The following APOL1 variants were observed in gnomAD, a reference collection of about 807,000 sequenced individuals.
The protein encoded by APOL1 is apolipoprotein L 1.
In APOL1, 17 loss-of-function variants were observed where a neutral mutation model predicts 14.9. That is an observed-to-expected ratio of 1.14 (90% CI 0.78 to 1.71). APOL1 has a LOEUF of 1.71. APOL1 is among the 40% of genes most tolerant of loss of function. APOL1 has a pLI of 0.00. For synonymous variants in APOL1, 195 were observed against 184.8 expected (o/e 1.05, Z -0.45); for missense variants, 523 against 485.9 (o/e 1.08, Z -0.72).
At chr22:36,255,513 T>C (rs971565914) in intron 2 of APOL1, among the ~76,000 whole-genome samples, 4 of 151,486 alleles carry the variant, frequency 2.6e-5, no homozygotes, top group Admixed American at 2.0e-4. Flanking sequence ...ACTCCCCTGG[T>C]GAACTGCTGC....
At position 36,265,448 on chromosome 22, in the gene APOL1, C is replaced by A. The variant is rs767476842; in HGVS notation, c.612C>A (p.Ser204Arg). Residue 204 changes from serine (S) to arginine (R), a missense_variant, in exon 6 of 6, where the codon AGC becomes AGA. Transcript: ENST00000397278. The part of the protein sequence containing the change: ...MGLAPFTEGG[S>R]LVLLEPGMEL... ...TGGCACCCTTCACAGAGGGAGGCAG[C>A]CTTGTACTCTTGGAACCTGGGATGG... The A allele has an allele frequency of 1.9e-6, 3 of 1,614,134 alleles. No homozygotes were observed. Among genetic ancestry groups the A allele is most frequent in the Admixed American group, 1.7e-5 (1 of 60,024 alleles).
chr22:36,256,915 A>G (rs572426520), intron 2 of APOL1, among the ~76,000 whole-genome samples, 168 bp from the exon 3 acceptor site: 94 of 152,336 alleles, frequency 6.2e-4, no homozygotes, highest in Non-Finnish European at 9.3e-4. Flanking sequence ...CATCGCAGAC[A>G]TGCAATACAC....
chr22:36,253,353 C>T (rs533346685), intron 1 of APOL1, 134 bp downstream of exon 1: 1 of 259,298 alleles, frequency 3.9e-6, no homozygotes, highest in Non-Finnish European at 7.7e-6. Context: ...AGGCTTGAGT[C>T]TGATTGCTTC....
In APOL1 at chr22:36,265,621, T is replaced by C. The variant is rs1344277213; in HGVS notation, c.785T>C (p.Ile262Thr). 2 of 1,596,340 alleles carry C rather than the reference T, an allele frequency of 1.3e-6. No homozygotes were observed. The change falls in exon 6 of 6, where the codon ATA becomes ACA. Residue 262 changes from isoleucine to threonine, a missense_variant. Physicochemically the swap from Ile to Thr is moderately conservative, Grantham distance 89. Coordinates refer to ENST00000397278, the MANE Select transcript of APOL1 (RefSeq NM_003661.4). ...GTGAGGGAGTTTTTGGGTGAGAACA[T>C]ATCCAACTTTCTTTCCTTAGCTGGC... ...KEVREFLGEN[I>T]SNFLSLAGNT...
intron 5 of APOL1, among the ~76,000 whole-genome samples, chr22:36,262,727 A>C (rs1178268035): frequency 1.3e-5 from 2 of 152,348 alleles, no homozygotes; most frequent in East Asian, 3.9e-4. Flanking sequence ...CCCAACACTC[A>C]TGGGCATATA....
At chr22:36,263,366 C>T (rs1014549596) in intron 5 of APOL1, among the ~76,000 whole-genome samples, 2 of 152,206 alleles carry the variant, frequency 1.3e-5, no homozygotes, top group African/African-American at 2.4e-5. Flanking sequence ...TCAAAGTACT[C>T]AGAGATAGCC....
chr22:36,259,945 C>T (rs1239652014), intron 4 of APOL1: 2 of 1,239,630 alleles, frequency 1.6e-6, no homozygotes, highest in South Asian at 2.7e-5. Flanking sequence ...AATGCAGAGA[C>T]CACAGGCATT....
In APOL1 at chr22:36,267,300, G is replaced by A. The variant is rs895937466; in HGVS notation, c.*1267G>A. 1 of 152,244 alleles carries A rather than the reference G, an allele frequency of 6.6e-6. No individual in the cohort carries two copies. The highest frequency in any genetic ancestry group is 1.5e-5 in the Non-Finnish European group (1 of 68,114). 9.4% of individuals were successfully genotyped at this position (152,244 alleles called of 1,614,324 possible). On this transcript the variant is annotated 3_prime_UTR_variant, in exon 6 of 6. Transcript: ENST00000397278. ...GGGCAGGTGGTGGGCCATGGCCATG[G>A]TCCCCAGCTGAGGAGCAGGTGTCCC...
intron 5 of APOL1, 107 bp from the exon 6 acceptor site, chr22:36,265,044 C>T: frequency 7.1e-7 from 1 of 1,398,660 alleles, no homozygotes; most frequent in Non-Finnish European, 9.8e-7. Context: ...ATCTCCTGAC[C>T]TTGTGATCCA....
Position 36,266,688 on chromosome 22 carries a change from G to C in APOL1, c.*655G>C. 1 of 369,562 alleles carries C rather than the reference G, an allele frequency of 2.7e-6. No homozygotes were observed. Among genetic ancestry groups the C allele is most frequent in the East Asian group, 3.8e-5 (1 of 26,662 alleles). The allele number at this position is 369,562 out of a possible 1,614,324, so 22.9% of individuals were successfully genotyped here. On this transcript the variant is annotated 3_prime_UTR_variant, in exon 6 of 6. Transcript: ENST00000397278. ...TGGGAGGCCAAGGCGGGCGGATCACGAGGTCAGGAGATCGAGACCATCCTG... is the reference window on the plus strand; with the variant it reads ...TGGGAGGCCAAGGCGGGCGGATCACCAGGTCAGGAGATCGAGACCATCCTG...
Position 36,267,184 on chromosome 22 carries a change from G to A in APOL1, c.*1151G>A, listed in dbSNP as rs181573196. Reference sequence around the variant, plus strand: ...TGGGGGCATATCTCAGTCAGGCAGCGGCTTCCTGATGATGGTCATTGGGGT... The same window carrying A: ...TGGGGGCATATCTCAGTCAGGCAGCAGCTTCCTGATGATGGTCATTGGGGT... On this transcript the variant is annotated 3_prime_UTR_variant, in exon 6 of 6. Transcript: ENST00000397278. The A allele has an allele frequency of 9.2e-5, 14 of 152,512 alleles. No individual in the cohort carries two copies. Among genetic ancestry groups the A allele is most frequent in the Admixed American group, 2.6e-4 (4 of 15,294 alleles). The allele number at this position is 152,512 out of a possible 1,614,324, so 9.4% of individuals were successfully genotyped here.
rs555497625 is a variant in APOL1 at position 36,266,774 on chromosome 22, G to A, written c.*741G>A. ...CAAAAAATTAGCCGGGCATGGTGGCGGGCGCCTGTAGTTCCAGCTAACTGG... is the reference window on the plus strand; with the variant it reads ...CAAAAAATTAGCCGGGCATGGTGGCAGGCGCCTGTAGTTCCAGCTAACTGG... On this transcript the variant is annotated 3_prime_UTR_variant, in exon 6 of 6. Transcript: ENST00000397278. The A allele has an allele frequency of 2.3e-4, 74 of 320,750 alleles. No homozygotes were observed. The East Asian group carries it at 2.5e-3, about 11-fold the overall frequency. 19.9% of individuals were successfully genotyped at this position (320,750 alleles called of 1,614,324 possible).
chr22:36,253,191 C>T lies in APOL1; in HGVS notation c.-48C>T. On this transcript the variant is annotated 5_prime_UTR_variant, in exon 1 of 6. Coordinates refer to ENST00000397278, the MANE Select transcript of APOL1 (RefSeq NM_003661.4). ...CACAGCTCAGAACAGCTGGATCTTG[C>T]TCAGTCTCTGCCAGGGGAAGATTCC... The T allele has an allele frequency of 2.0e-6, 1 of 498,368 alleles. No homozygotes were observed. The allele number at this position is 498,368 out of a possible 1,614,324, so 30.9% of individuals were successfully genotyped here.
In APOL1 at chr22:36,257,304, T is replaced by C; in HGVS notation, c.99-15T>C. 6.2e-7 allele frequency: 1 copy of C among 1,613,570 alleles called. No homozygotes were observed. The highest frequency in any genetic ancestry group is 1.3e-5 in the African/African-American group (1 of 75,000). ...GCTCACATTTGATCCCACAATTTGT[T>C]TTCTCCTCCTCAAGGGTGCAACAAA... On this transcript the variant is annotated splice_polypyrimidine_tract_variant and intron_variant, in intron 3 of 5. Transcript: ENST00000397278.
Position 36,257,702 on chromosome 22 carries a change from G to C in APOL1, c.187+295G>C, listed in dbSNP as rs913267856. On this transcript the variant is annotated intron_variant, in intron 4 of 5. Coordinates refer to ENST00000397278, the MANE Select transcript of APOL1 (RefSeq NM_003661.4). The stretch of plus-strand genomic sequence containing the variant: ...CTTGGGGAAGTGGAATCAGCGGGGG[G>C]GGGGGGGAGTGTGGGGAGAGCAGGG... 202 of 308,844 alleles carry C rather than the reference G, an allele frequency of 6.5e-4. 2 individuals are homozygous for C. The highest frequency in any genetic ancestry group is 2.3e-3 in the South Asian group (60 of 26,420). The allele number at this position is 308,844 out of a possible 1,614,324, so 19.1% of individuals were successfully genotyped here. A position where few individuals can be genotyped will look rare whatever the true frequency, so the allele number is the denominator to read the frequency against.
In APOL1 at chr22:36,266,127, T is replaced by A; in HGVS notation, c.*94T>A. On this transcript the variant is annotated 3_prime_UTR_variant, in exon 6 of 6. Transcript: ENST00000397278. ...TTTTTTCTGAGACAGAGTCTTGCTC[T>A]GTCGCCAAGTTGGAGTGCAATGGTG... 7.2e-7 allele frequency: 1 copy of A among 1,391,788 alleles called. No homozygotes were observed. Among genetic ancestry groups the A allele is most frequent in the Non-Finnish European group, 9.7e-7 (1 of 1,032,798 alleles). The allele number at this position is 1,391,788 out of a possible 1,614,324, so 86.2% of individuals were successfully genotyped here.
In APOL1 at chr22:36,257,083, G is replaced by A; in HGVS notation, c.45G>A (p.Trp15Ter). The A allele has an allele frequency of 6.2e-7, 1 of 1,614,170 alleles. No individual in the cohort carries two copies. Among genetic ancestry groups the A allele is most frequent in the Non-Finnish European group, 8.5e-7 (1 of 1,180,034 alleles). Residue 15 changes from tryptophan to a stop codon, truncating the protein, a stop_gained and splice_region_variant, in exon 3 of 6, where the codon TGG becomes TGA. Transcript: ENST00000397278. LOFTEE classifies it high-confidence loss of function. ...TTATCTTCTCCTCATACCCCAACAGGATGAGTGCACTTTTCCTTGGTGTGG... is the reference window on the plus strand; with the variant it reads ...TTATCTTCTCCTCATACCCCAACAGAATGAGTGCACTTTTCCTTGGTGTGG... ...ALLRVSVLCI[W>*]MSALFLGVGV...
At chr22:36,256,045 GATA>G (rs986920223) in intron 2 of APOL1, among the ~76,000 whole-genome samples, 39 of 152,262 alleles carry the variant, frequency 2.6e-4, no homozygotes, top group African/African-American at 8.9e-4. Context: ...TTAAAAAAAT[GATA>G]ATATTAATCC....
In APOL1 at chr22:36,266,676, C is replaced by G; in HGVS notation, c.*643C>G. The G allele has an allele frequency of 2.6e-6, 1 of 378,012 alleles. No individual in the cohort carries two copies. The highest frequency in any genetic ancestry group is 4.7e-6 in the Non-Finnish European group (1 of 211,956). The allele number at this position is 378,012 out of a possible 1,614,324, so 23.4% of individuals were successfully genotyped here. A position where few individuals can be genotyped will look rare whatever the true frequency, so the allele number is the denominator to read the frequency against. On this transcript the variant is annotated 3_prime_UTR_variant, in exon 6 of 6. Coordinates refer to ENST00000397278, the MANE Select transcript of APOL1 (RefSeq NM_003661.4). ...ATCCGAGCACTTTGGGAGGCCAAGG[C>G]GGGCGGATCACGAGGTCAGGAGATC... is the stretch of plus-strand genomic sequence containing the variant.
Sources: gnomAD v4.1 joint callset for allele counts (sites outside exome capture counted in the v4.1 genomes callset) on GRCh38, gnomAD v4.1.1 for gene constraint, MANE v1.5 for transcripts, NCBI Gene and HGNC (gene_info 2026-07-23, HGNC 2026-07-21) for gene names.